Variants in CSMD3 observed in about 807,000 individuals in gnomAD.
CSMD3 encodes CUB and Sushi multiple domains 3, also known as CUB and sushi domain-containing protein 3.
CSMD3 carries 177 observed loss-of-function variants against 435.2 expected under a neutral mutation model. That is an observed-to-expected ratio of 0.41 (90% confidence interval 0.36 to 0.46). CSMD3 has a LOEUF of 0.46. CSMD3 is among the 20% of genes least tolerant of loss of function. CSMD3 has a pLI of 0.34. For synonymous variants in CSMD3, 1,656 were observed against 1,520.5 expected (o/e 1.09, Z -2.07); for missense variants, 4,265 against 4,504.6 (o/e 0.95, Z 1.52).
chr8:112,351,281 A>C (rs1826115015), intron 39 of CSMD3, 37 bp from the exon 40 acceptor site: 7 of 1,395,648 alleles, frequency 5.0e-6, no homozygotes, highest in Non-Finnish European at 7.1e-6. Flanking sequence ...GTACACATAC[A>C]TAAAAAGTTT....
intron 35 of CSMD3, among the ~76,000 whole-genome samples, chr8:112,392,566 C>T (rs1470654673): frequency 1.3e-5 from 2 of 151,310 alleles, no homozygotes; most frequent in Non-Finnish European, 2.9e-5. Context: ...AGAACAAAAA[C>T]GTAATTGATG....
intron 10 of CSMD3, among the ~76,000 whole-genome samples, chr8:112,901,081 G>C (rs567336782): frequency 6.6e-6 from 1 of 151,156 alleles, no homozygotes; most frequent in Non-Finnish European, 1.5e-5. Context: ...TATGGTGAAG[G>C]TTATGTATAC....
chr8:112,590,578 GTTCT>G (rs1356553040), intron 22 of CSMD3, among the ~76,000 whole-genome samples: 1 of 152,098 alleles, frequency 6.6e-6, no homozygotes, highest in Non-Finnish European at 1.5e-5. Flanking sequence ...CAGAAGAAAT[GTTCT>G]TTCTTAGGTG....
At chr8:112,657,008 A>G (rs982727317) in intron 17 of CSMD3, among the ~76,000 whole-genome samples, 1 of 150,290 alleles carries the variant, frequency 6.7e-6, no homozygotes, top group African/African-American at 2.5e-5. Context: ...ATATTATTAA[A>G]CCCACTTTCC....
intron 38 of CSMD3, among the ~76,000 whole-genome samples, chr8:112,370,082 A>AAGAAGAAGAAGAAGAAGAAGAAGTAGT (rs1285510394): frequency 4.2e-4 from 44 of 103,532 alleles, no homozygotes; most frequent in African/African-American, 1.5e-3. Context: ...GAAGAAGAAG[A>AAGAAGAAGAAGAAGAAGAAGAAGTAGT]AGTAGTAGTA....
intron 5 of CSMD3, among the ~76,000 whole-genome samples, chr8:113,081,467 C>T (rs768172797): frequency 2.0e-5 from 3 of 152,134 alleles, no homozygotes; most frequent in Non-Finnish European, 4.4e-5. Flanking sequence ...CAGCAGTCCA[C>T]ATTCCCACAA....
chr8:112,457,448 T>C (rs527775458), intron 32 of CSMD3, among the ~76,000 whole-genome samples: 63 of 152,236 alleles, frequency 4.1e-4, no homozygotes, highest in East Asian at 3.9e-3. Flanking sequence ...CAGCATGCTC[T>C]GTGACCCATA....
intron 24 of CSMD3, among the ~76,000 whole-genome samples, chr8:112,565,157 G>T (rs902307672): frequency 6.6e-6 from 1 of 151,894 alleles, no homozygotes; most frequent in African/African-American, 2.4e-5. Flanking sequence ...ACTATATCAC[G>T]CAGCATTGAT....
intron 1 of CSMD3, among the ~76,000 whole-genome samples, chr8:113,354,014 T>A (rs1306200653): frequency 6.6e-6 from 1 of 152,166 alleles, no homozygotes; most frequent in African/African-American, 2.4e-5. Flanking sequence ...TTTGTTGTTA[T>A]TTTTAATAAA....
chr8:113,210,248 A>G (rs1401031459), intron 3 of CSMD3, among the ~76,000 whole-genome samples: 1 of 152,048 alleles, frequency 6.6e-6, no homozygotes, highest in African/African-American at 2.4e-5. Flanking sequence ...CGTGATCCTG[A>G]AGCCTTCGAT....
chr8:113,250,908 G>C (rs1011945640), intron 3 of CSMD3, among the ~76,000 whole-genome samples: 1 of 151,922 alleles, frequency 6.6e-6, no homozygotes, highest in East Asian at 1.9e-4. Context: ...ATAGAATTGG[G>C]CATTCAAAAA....
chr8:112,629,244 C>T (rs535072275), intron 22 of CSMD3, among the ~76,000 whole-genome samples: 357 of 152,042 alleles, frequency 2.3e-3, no homozygotes, highest in African/African-American at 8.2e-3. Flanking sequence ...CTCTGTTGCC[C>T]AGGCTGGAGT....
At chr8:112,479,609 C>T (rs1423801060) in intron 31 of CSMD3, among the ~76,000 whole-genome samples, 1 of 152,182 alleles carries the variant, frequency 6.6e-6, no homozygotes, top group African/African-American at 2.4e-5. Flanking sequence ...ACTCTGGCTT[C>T]AGCCTTGGCT....
intron 2 of CSMD3, among the ~76,000 whole-genome samples, chr8:113,289,624 G>A (rs1453668373): frequency 6.6e-6 from 1 of 151,418 alleles, no homozygotes; most frequent in African/African-American, 2.4e-5. Context: ...TACAATTACT[G>A]AGATTGAGTC....
At chr8:113,303,585 C>A (rs2093792440) in intron 2 of CSMD3, among the ~76,000 whole-genome samples, 1 of 145,946 alleles carries the variant, frequency 6.9e-6, no homozygotes, top group African/African-American at 2.5e-5. Context: ...TGGAACAGAA[C>A]AGAGCCCTCA....
At chr8:112,900,585 G>A (rs1257626565) in intron 10 of CSMD3, among the ~76,000 whole-genome samples, 1 of 151,222 alleles carries the variant, frequency 6.6e-6, no homozygotes, top group Non-Finnish European at 1.5e-5. Context: ...CTGTGACCCA[G>A]GCACCTTTTG....
chr8:112,269,052 A>G (rs190742150), intron 59 of CSMD3, among the ~76,000 whole-genome samples: 1 of 152,270 alleles, frequency 6.6e-6, no homozygotes, highest in African/African-American at 2.4e-5. Context: ...TGACAATCAA[A>G]AAGTATCTTC....
chr8:112,648,840 A>T (rs2075050371), intron 19 of CSMD3, among the ~76,000 whole-genome samples: 1 of 152,142 alleles, frequency 6.6e-6, no homozygotes, highest in Non-Finnish European at 1.5e-5. Flanking sequence ...CTTTTAAACC[A>T]CCATGGTCTG....
At chr8:112,970,133 AAATAGAT>A (rs956403811) in intron 7 of CSMD3, among the ~76,000 whole-genome samples, 1 of 152,004 alleles carries the variant, frequency 6.6e-6, no homozygotes, top group Non-Finnish European at 1.5e-5. Context: ...CCTAATTCTA[AAATAGAT>A]AATTCTAGAA....
Sources: gnomAD v4.1 joint callset for allele counts (sites outside exome capture counted in the v4.1 genomes callset) on GRCh38, gnomAD v4.1.1 for gene constraint, MANE v1.5 for transcripts, NCBI Gene and HGNC (gene_info 2026-07-23, HGNC 2026-07-21) for gene names.